Variants in ROR2 observed in about 807,000 individuals in gnomAD.
ROR2 encodes the protein tyrosine-protein kinase transmembrane receptor ROR2.
ROR2 carries 33 observed loss-of-function variants against 74.9 expected under a neutral mutation model. That is an observed-to-expected ratio of 0.44 (90% CI 0.33 to 0.59). The LOEUF (loss-of-function observed/expected upper bound fraction) is 0.59, where lower values mean the gene tolerates loss of function less well. Ranked by LOEUF, ROR2 falls within the 20% of genes least tolerant of loss-of-function variation. The probability of loss-of-function intolerance (pLI) is 0.02; values close to 1 mark genes in which losing one functional copy is unlikely to be tolerated. For synonymous variants in ROR2, 586 were observed against 558.7 expected (o/e 1.05, Z -0.69); for missense variants, 1,216 against 1,313.8 (o/e 0.93, Z 1.15).
chr9:91,939,952 G>C (rs1831803948), intron 1 of ROR2, among the ~76,000 whole-genome samples: 1 of 152,118 alleles, frequency 6.6e-6, no homozygotes, highest in South Asian at 2.1e-4. Flanking sequence ...TGAATCTCCG[G>C]GCCCCACCCC....
chr9:91,803,967 T>C (rs1185274310), intron 1 of ROR2, among the ~76,000 whole-genome samples: 1 of 152,262 alleles, frequency 6.6e-6, no homozygotes, highest in African/African-American at 2.4e-5. Context: ...TTTTCTGGGA[T>C]GATCTCTTCT....
At chr9:91,866,760 C>CTTAA (rs1196970623) in intron 1 of ROR2, among the ~76,000 whole-genome samples, 1 of 152,082 alleles carries the variant, frequency 6.6e-6, no homozygotes, top group Non-Finnish European at 1.5e-5. Flanking sequence ...ATTTCAAGAG[C>CTTAA]TTAATATTGC....
At chr9:91,779,009 C>T (rs904504235) in intron 1 of ROR2, among the ~76,000 whole-genome samples, 8 of 152,108 alleles carry the variant, frequency 5.3e-5, no homozygotes, top group Admixed American at 3.9e-4. Flanking sequence ...ACACATGACA[C>T]TCTAGAAGCA....
intron 1 of ROR2, among the ~76,000 whole-genome samples, chr9:91,795,770 A>C (rs572606344): frequency 6.6e-6 from 1 of 152,280 alleles, no homozygotes; most frequent in East Asian, 1.9e-4. Context: ...CTCCAGGCTA[A>C]AGGGAAACTC....
chr9:91,827,448 T>C (rs1410753094), intron 1 of ROR2, among the ~76,000 whole-genome samples: 5 of 152,242 alleles, frequency 3.3e-5, no homozygotes, highest in Non-Finnish European at 7.3e-5. Context: ...ATGTAGCTTA[T>C]GAAATCTACT....
chr9:91,914,877 A>G (rs1374938536), intron 1 of ROR2, among the ~76,000 whole-genome samples: 3 of 152,096 alleles, frequency 2.0e-5, no homozygotes, highest in African/African-American at 7.2e-5. Context: ...CTGCTTTCCT[A>G]AATTCTGGAT....
At chr9:91,857,303 C>G (rs1272837799) in intron 1 of ROR2, among the ~76,000 whole-genome samples, 1 of 152,186 alleles carries the variant, frequency 6.6e-6, no homozygotes, top group South Asian at 2.1e-4. Flanking sequence ...AGGAACCACC[C>G]GCAGCCAGGC....
At chr9:91,893,394 C>T (rs1249465079) in intron 1 of ROR2, among the ~76,000 whole-genome samples, 4 of 152,144 alleles carry the variant, frequency 2.6e-5, no homozygotes, top group African/African-American at 9.6e-5. Flanking sequence ...GAGCCAAGAT[C>T]ATGCCACTGC....
chr9:91,898,870 C>T (rs75366059), intron 1 of ROR2, among the ~76,000 whole-genome samples: 2,116 of 152,336 alleles, frequency 0.014, 57 homozygotes, highest in African/African-American at 0.048. Flanking sequence ...GTGCTTTCCA[C>T]GCTTGGCACA....
At chr9:91,758,194 G>C (rs754140491) in intron 2 of ROR2, among the ~76,000 whole-genome samples, 2 of 152,232 alleles carry the variant, frequency 1.3e-5, no homozygotes, top group Non-Finnish European at 2.9e-5. Flanking sequence ...ACTGCCGTGG[G>C]CGTGTGTCTG....
intron 1 of ROR2, among the ~76,000 whole-genome samples, chr9:91,794,205 A>G (rs1827097772): frequency 1.3e-5 from 2 of 152,266 alleles, no homozygotes; most frequent in South Asian, 2.1e-4. Flanking sequence ...TAAAAATACA[A>G]TAAGGACAGC....
chr9:91,926,044 G>A (rs1224977176), intron 1 of ROR2, among the ~76,000 whole-genome samples: 2 of 151,970 alleles, frequency 1.3e-5, no homozygotes, highest in Non-Finnish European at 2.9e-5. Flanking sequence ...AAGAGTTCAA[G>A]ACCAGCCTGG....
intron 1 of ROR2, among the ~76,000 whole-genome samples, chr9:91,946,694 T>C (rs1832022117): frequency 6.6e-6 from 1 of 152,214 alleles, no homozygotes; most frequent in Non-Finnish European, 1.5e-5. Flanking sequence ...TTTCCAGCAC[T>C]ACAACAGACT....
At chr9:91,771,356 A>G (rs1467076779) in intron 2 of ROR2, among the ~76,000 whole-genome samples, 1 of 152,246 alleles carries the variant, frequency 6.6e-6, no homozygotes, top group East Asian at 1.9e-4. Context: ...TCAAAACACA[A>G]GCTGTATTCC....
rs548749730 is a variant in ROR2 at position 91,798,863 on chromosome 9, T to C, written c.98-23045A>G. On this transcript the variant is annotated intron_variant, in intron 1 of 8. Transcript: ENST00000375708. ...GTGACTCAGTTCTGTATCTGTGAAG[T>C]GGGTGACCCTTGGGATTGGAGAAGC... Among the ~76,000 whole-genome samples, 18 of 152,266 alleles carry C rather than the reference T, an allele frequency of 1.2e-4. No individual in the cohort carries two copies. In the South Asian group the frequency reaches 3.1e-3, roughly 26 times the overall value.
chr9:91,757,684 T>C, intron 2 of ROR2, 125 bp from the exon 3 acceptor site: 1 of 996,476 alleles, frequency 1.0e-6, no homozygotes, highest in East Asian at 2.6e-5. Context: ...CTAAAATAGG[T>C]TGTTATCTGC....
At chr9:91,804,173 G>A (rs767315715) in intron 1 of ROR2, among the ~76,000 whole-genome samples, 8 of 152,166 alleles carry the variant, frequency 5.3e-5, no homozygotes, top group African/African-American at 4.8e-5. Flanking sequence ...ACACGGCTCC[G>A]TCAGGGTCCC....
chr9:91,796,323 C>T (rs1385451143), intron 1 of ROR2, among the ~76,000 whole-genome samples: 1 of 151,320 alleles, frequency 6.6e-6, no homozygotes, highest in Admixed American at 6.6e-5. Flanking sequence ...ATCTCAGCTA[C>T]TCTGGAGGCT....
In ROR2 at chr9:91,836,047, C is replaced by T. The variant is rs114216935; in HGVS notation, c.98-60229G>A. On this transcript the variant is annotated intron_variant, in intron 1 of 8. Transcript: ENST00000375708. ...TGAGGTTTTACTTCCTGCATTCCCC[C>T]GCTAAACAACAGAGTTTGGTTTCAC... Among the ~76,000 whole-genome samples, 992 of 152,282 alleles carry T rather than the reference C, an allele frequency of 6.5e-3. 11 individuals are homozygous for T. The highest frequency in any genetic ancestry group is 0.023 in the African/African-American group (936 of 41,566).
Sources: allele counts gnomAD v4.1 joint callset (sites outside exome capture counted in the v4.1 genomes callset), GRCh38; gene constraint gnomAD v4.1.1; transcripts MANE v1.5; gene names NCBI Gene and HGNC (gene_info 2026-07-23, HGNC 2026-07-21).